The following SYT15B variants were observed in gnomAD, a reference collection of about 807,000 sequenced individuals.
The protein encoded by SYT15B is synaptotagmin-15.
chr10:47,756,265 G>C, the SYT15B span: 1 of 249,490 alleles, frequency 4.0e-6, no homozygotes, highest in Non-Finnish European at 6.7e-6. Context: ...AGGCAGGTGG[G>C]AGCAGAGCCC....
the SYT15B span, among the ~76,000 whole-genome samples, chr10:47,748,416 T>C: frequency 3.3e-5 from 5 of 151,746 alleles, no homozygotes; most frequent in East Asian, 9.8e-4. Context: ...TTTCACCATG[T>C]TGGCCAGGTT....
At chr10:47,755,146 A>G in the SYT15B span, among the ~76,000 whole-genome samples, 907 of 150,720 alleles carry the variant, frequency 6.0e-3, 2 homozygotes, top group African/African-American at 0.021. Flanking sequence ...TAGTACAGAC[A>G]GAATTTTACT....
the SYT15B span, among the ~76,000 whole-genome samples, chr10:47,756,569 C>A: frequency 6.7e-6 from 1 of 148,806 alleles, no homozygotes; most frequent in Non-Finnish European, 1.5e-5. Context: ...CCCTTAAACA[C>A]CTTGTACAGA....
At chr10:47,748,515 G>A in the SYT15B span, among the ~76,000 whole-genome samples, 2 of 152,164 alleles carry the variant, frequency 1.3e-5, no homozygotes, top group Admixed American at 1.3e-4. Context: ...ACCCGACCCA[G>A]GCACACTATA....
At chr10:47,748,150 T>G in the SYT15B span, among the ~76,000 whole-genome samples, 4 of 151,684 alleles carry the variant, frequency 2.6e-5, no homozygotes, top group African/African-American at 9.7e-5. Flanking sequence ...TGATAAAGCT[T>G]TATGATCCCC....
Sources: gnomAD v4.1 joint callset for allele counts (sites outside exome capture counted in the v4.1 genomes callset) on GRCh38, gnomAD v4.1.1 for gene constraint, MANE v1.5 for transcripts, NCBI Gene and HGNC (gene_info 2026-07-23, HGNC 2026-07-21) for gene names.